L3MBTL4: variants seen among roughly 807,000 people sequenced by gnomAD.
L3MBTL4 encodes lethal(3)malignant brain tumor-like protein 4.
A neutral mutation model predicts 84.5 loss-of-function variants in L3MBTL4; 70 were observed. The ratio of observed to expected loss-of-function variants is 0.83; its 90% CI spans 0.68 to 1.01. The LOEUF is 1.01. L3MBTL4 is among the 50% of genes least tolerant of loss of function. L3MBTL4 has a pLI of 0.00. For synonymous variants in L3MBTL4, 274 were observed against 259.8 expected, an observed-to-expected ratio of 1.05 and a Z score of -0.52; for missense variants, 715 against 754.8, an observed-to-expected ratio of 0.95 and a Z score of 0.62.
At chr18:6,114,905 GAC>G in intron 14 of L3MBTL4, among the ~76,000 whole-genome samples, 1 of 152,296 alleles carries the variant, frequency 6.6e-6, no homozygotes, top group South Asian at 2.1e-4. Context: ...TAGGGGTGGA[GAC>G]ACAGTGCTTT....
chr18:6,328,215 T>C (rs1186448764), intron 1 of L3MBTL4, among the ~76,000 whole-genome samples: 1 of 152,216 alleles, frequency 6.6e-6, no homozygotes, highest in African/African-American at 2.4e-5. Flanking sequence ...TAGCAAAGCA[T>C]GTGTTTCATG....
chr18:6,099,015 G>C (rs1398996762), intron 14 of L3MBTL4, among the ~76,000 whole-genome samples: 1 of 152,172 alleles, frequency 6.6e-6, no homozygotes, highest in Non-Finnish European at 1.5e-5. Flanking sequence ...ATGGAAATGA[G>C]AAGGAAGAGG....
chr18:6,386,552 G>T (rs1267042329), intron 1 of L3MBTL4, among the ~76,000 whole-genome samples: 4 of 152,302 alleles, frequency 2.6e-5, no homozygotes, highest in Middle Eastern at 3.4e-3. Context: ...GAAACACACA[G>T]ATAATCCATA....
chr18:6,078,881 G>A (rs1344040076), intron 16 of L3MBTL4, among the ~76,000 whole-genome samples: 1 of 152,182 alleles, frequency 6.6e-6, no homozygotes, highest in African/African-American at 2.4e-5. Context: ...TCCCATCTGG[G>A]GGTGATGGGA....
At chr18:6,048,703 C>T (rs1005094525) in intron 16 of L3MBTL4, among the ~76,000 whole-genome samples, 3 of 151,550 alleles carry the variant, frequency 2.0e-5, no homozygotes, top group South Asian at 2.1e-4. Flanking sequence ...GTGGGAGAAT[C>T]GCTTGAACCC....
At chr18:6,070,667 CAAAAAACA>C (rs1568064234) in intron 16 of L3MBTL4, among the ~76,000 whole-genome samples, 1 of 151,226 alleles carries the variant, frequency 6.6e-6, no homozygotes, top group Non-Finnish European at 1.5e-5. Flanking sequence ...AAACAAAAAA[CAAAAAACA>C]AAAAAAACAA....
rs547852308 is a variant in L3MBTL4, at chr18:6,358,342, C to A, written c.-90-46286G>T. 5.9e-5 allele frequency among the ~76,000 whole-genome samples: 9 copies of A among 152,272 alleles called. No individual in the cohort carries two copies. In the East Asian group the frequency reaches 1.5e-3, roughly 26 times the overall value. ...AGGCCAAAGAAATGAGACAAGGTCA[C>A]GCAGCTAGCTGACCACAGGCTCAGG... On this transcript the variant is annotated intron_variant, in intron 1 of 18. Coordinates refer to ENST00000317931, the MANE Select transcript of L3MBTL4 (RefSeq NM_001330559.2).
At chr18:6,088,306 T>C (rs1389608244) in intron 15 of L3MBTL4, among the ~76,000 whole-genome samples, 2 of 152,166 alleles carry the variant, frequency 1.3e-5, no homozygotes, top group Non-Finnish European at 2.9e-5. Flanking sequence ...ACCTAGTAGG[T>C]TGCTCAAAAT....
chr18:5,990,491 T>C (rs2053640832), intron 16 of L3MBTL4, among the ~76,000 whole-genome samples: 1 of 152,126 alleles, frequency 6.6e-6, no homozygotes, highest in African/African-American at 2.4e-5. Context: ...AAGTGGACAA[T>C]TTCACCTCCA....
At chr18:5,996,700 C>T (rs747705517) in intron 16 of L3MBTL4, among the ~76,000 whole-genome samples, 1 of 152,122 alleles carries the variant, frequency 6.6e-6, no homozygotes, top group Non-Finnish European at 1.5e-5. Context: ...AGAGTGAGCA[C>T]ATCAAGACAA....
At chr18:6,319,462 C>T (rs2051291680) in intron 1 of L3MBTL4, among the ~76,000 whole-genome samples, 1 of 151,948 alleles carries the variant, frequency 6.6e-6, no homozygotes. Flanking sequence ...ACGACCAAAA[C>T]CATAGAAATA....
In L3MBTL4 at chr18:6,386,249, T is replaced by C. The variant is rs749286392; in HGVS notation, c.-91+28552A>G. Among the ~76,000 whole-genome samples, 7 of 152,002 alleles carry C rather than the reference T, an allele frequency of 4.6e-5. No individual in the cohort carries two copies. The East Asian group carries it at 1.4e-3, about 29-fold the overall frequency. On this transcript the variant is annotated intron_variant, in intron 1 of 18. Coordinates refer to ENST00000317931, the MANE Select transcript of L3MBTL4 (RefSeq NM_001330559.2). ...GAAAGAAAAAAAATATTTGAGAAAA[T>C]GTGAACACTGAGCAAAAGGCATGAC...
chr18:6,322,390 T>TGAAAGGAAAG (rs556362554), intron 1 of L3MBTL4, among the ~76,000 whole-genome samples: 1 of 99,708 alleles, frequency 1.0e-5, no homozygotes, highest in Non-Finnish European at 2.0e-5. Flanking sequence ...AGAAAGAAAA[T>TGAAAGGAAAG]GAAAGGAAAG....
chr18:6,406,988 A>G (rs970992528), intron 1 of L3MBTL4, among the ~76,000 whole-genome samples: 2 of 152,158 alleles, frequency 1.3e-5, no homozygotes, highest in African/African-American at 4.8e-5. Flanking sequence ...CTAACCTCAC[A>G]CTTTGCGCAT....
At chr18:5,979,399 T>G (rs1367440929) in intron 16 of L3MBTL4, among the ~76,000 whole-genome samples, 3 of 152,142 alleles carry the variant, frequency 2.0e-5, no homozygotes, top group Non-Finnish European at 4.4e-5. Flanking sequence ...GAATGACAAG[T>G]CTGGGATCAA....
At chr18:6,345,960 G>A (rs2052877977) in intron 1 of L3MBTL4, among the ~76,000 whole-genome samples, 1 of 142,942 alleles carries the variant, frequency 7.0e-6, no homozygotes, top group Non-Finnish European at 1.5e-5. Flanking sequence ...TATGGTAGTA[G>A]CATAAAAACA....
chr18:6,156,025 G>T (rs1057253273), intron 13 of L3MBTL4, among the ~76,000 whole-genome samples: 17 of 152,078 alleles, frequency 1.1e-4, no homozygotes, highest in Admixed American at 1.0e-3. Context: ...ATACCATTAA[G>T]CTTGTCCTTA....
intron 14 of L3MBTL4, among the ~76,000 whole-genome samples, chr18:6,093,765 C>A (rs1256643488): frequency 6.6e-6 from 1 of 152,176 alleles, no homozygotes. Context: ...ACACATACGG[C>A]ATTTATAATT....
At chr18:6,030,018 A>T in intron 16 of L3MBTL4, 2 of 985,460 alleles carry the variant, frequency 2.0e-6, no homozygotes, top group Non-Finnish European at 2.4e-6. Flanking sequence ...ATGGGCAGGG[A>T]CTGGTCACTT....
Sources: gnomAD v4.1 joint callset for allele counts (sites outside exome capture counted in the v4.1 genomes callset) on GRCh38, gnomAD v4.1.1 for gene constraint, MANE v1.5 for transcripts, NCBI Gene and HGNC (gene_info 2026-07-23, HGNC 2026-07-21) for gene names.